The following EPB41L2 variants were observed in gnomAD, a reference collection of about 807,000 sequenced individuals.
EPB41L2 encodes band 4.1-like protein 2.
Under a neutral mutation model 113.0 loss-of-function variants are expected in EPB41L2, and 43 were observed. That is an observed-to-expected ratio of 0.38 (90% confidence interval 0.30 to 0.49). The LOEUF is 0.49. Among genes scored for constraint, EPB41L2 ranks in the 20% least tolerant of loss-of-function variants. EPB41L2 has a pLI of 0.95. For synonymous variants in EPB41L2, 442 were observed against 436.7 expected (o/e 1.01, Z -0.15); for missense variants, 1,147 against 1,223.4 (o/e 0.94, Z 0.93).
chr6:130,900,686 T>C (rs1457593090), intron 7 of EPB41L2, among the ~76,000 whole-genome samples: 1 of 152,124 alleles, frequency 6.6e-6, no homozygotes, highest in Non-Finnish European at 1.5e-5. Context: ...GTGTATGTGT[T>C]AGGGGGATAG....
chr6:131,022,168 C>T (rs747953758), intron 1 of EPB41L2, among the ~76,000 whole-genome samples: 1 of 152,010 alleles, frequency 6.6e-6, no homozygotes. Flanking sequence ...ATAAGGAGTA[C>T]GCAACCTAGA....
chr6:130,906,108 G>A (rs1321549152), intron 5 of EPB41L2, among the ~76,000 whole-genome samples: 1 of 152,176 alleles, frequency 6.6e-6, no homozygotes, highest in African/African-American at 2.4e-5. Context: ...TCGTGTTTGT[G>A]TAAGCATTTC....
intron 1 of EPB41L2, among the ~76,000 whole-genome samples, chr6:130,993,030 A>T (rs1344940454): frequency 6.6e-6 from 1 of 152,202 alleles, no homozygotes. Flanking sequence ...CTGGGCACAA[A>T]TTTATTTCAT....
intron 3 of EPB41L2, among the ~76,000 whole-genome samples, chr6:130,941,254 C>G (rs568118408): frequency 1.9e-4 from 29 of 152,048 alleles, no homozygotes; most frequent in Middle Eastern, 3.4e-3. Flanking sequence ...AAATGAAAAC[C>G]CAGGATTTTT....
At chr6:131,023,679 C>T (rs758765004) in intron 1 of EPB41L2, among the ~76,000 whole-genome samples, 13 of 129,784 alleles carry the variant, frequency 1.0e-4, no homozygotes, top group Admixed American at 1.0e-3. Flanking sequence ...AGTGAGACTT[C>T]GTCTCAAAAA....
chr6:131,032,697 T>G (rs932434877), intron 1 of EPB41L2, among the ~76,000 whole-genome samples: 3 of 152,188 alleles, frequency 2.0e-5, no homozygotes, highest in Non-Finnish European at 4.4e-5. Context: ...AAAAACTGTA[T>G]GAAAGAGGAT....
intron 5 of EPB41L2, among the ~76,000 whole-genome samples, chr6:130,906,504 T>C (rs911483726): frequency 3.3e-5 from 5 of 152,182 alleles, no homozygotes; most frequent in Non-Finnish European, 5.9e-5. Flanking sequence ...AACTTTTAAT[T>C]TGATTACATA....
chr6:131,041,694 G>C (rs1794488199), intron 1 of EPB41L2, among the ~76,000 whole-genome samples: 1 of 152,008 alleles, frequency 6.6e-6, no homozygotes, highest in African/African-American at 2.4e-5. Flanking sequence ...GCAAACAATA[G>C]AGTTTCAACA....
chr6:131,053,365 A>G (rs1242212534), intron 1 of EPB41L2, among the ~76,000 whole-genome samples: 1 of 151,032 alleles, frequency 6.6e-6, no homozygotes, highest in Non-Finnish European at 1.5e-5. Flanking sequence ...CCATCACTAC[A>G]ACAGTTACTA....
rs1366980853 is a variant in EPB41L2, at chr6:130,879,220, G to C, written c.1896+924C>G. ...TATTCCATATTCATGCACAAGCATA[G>C]TAGCTCATCTATGAGCTTCTATAGC... On this transcript the variant is annotated intron_variant, in intron 13 of 19. Coordinates refer to ENST00000337057, the MANE Select transcript of EPB41L2 (RefSeq NM_001431.4). Among the ~76,000 whole-genome samples the C allele has an allele frequency of 3.3e-5, 5 of 152,276 alleles. No homozygotes were observed. The Middle Eastern group carries it at 0.01, about 313-fold the overall frequency.
At chr6:130,924,866 TAGC>T (rs1562499223) in intron 4 of EPB41L2, among the ~76,000 whole-genome samples, 1 of 152,328 alleles carries the variant, frequency 6.6e-6, no homozygotes, top group East Asian at 1.9e-4. Context: ...ACGTAATAAA[TAGC>T]AGTTAATGTC....
intron 19 of EPB41L2, among the ~76,000 whole-genome samples, chr6:130,842,362 G>A (rs1179063424): frequency 6.6e-6 from 1 of 152,054 alleles, no homozygotes; most frequent in African/African-American, 2.4e-5. Flanking sequence ...AAGAAATGTG[G>A]GGGATGATGA....
intron 13 of EPB41L2, 124 bp from the exon 14 acceptor site, chr6:130,878,374 A>G: frequency 9.0e-7 from 1 of 1,106,336 alleles, no homozygotes; most frequent in Non-Finnish European, 1.3e-6. Context: ...ATAGTAAAGC[A>G]AGAAAAATGC....
chr6:131,038,273 A>G (rs955499498), intron 1 of EPB41L2, among the ~76,000 whole-genome samples: 1 of 152,190 alleles, frequency 6.6e-6, no homozygotes, highest in Admixed American at 6.5e-5. Context: ...ATATACTGAT[A>G]TTTCTCATTT....
chr6:130,997,478 G>A (rs998863121), intron 1 of EPB41L2, among the ~76,000 whole-genome samples: 23 of 152,122 alleles, frequency 1.5e-4, no homozygotes, highest in Non-Finnish European at 2.6e-4. Context: ...ACAGAGCTAC[G>A]AAGGGATCAG....
intron 1 of EPB41L2, among the ~76,000 whole-genome samples, chr6:131,057,749 G>T (rs151269931): frequency 2.0e-5 from 3 of 152,284 alleles, no homozygotes; most frequent in East Asian, 1.9e-4. Context: ...CTTTCATGAA[G>T]GTTGATGGTG....
rs5007046 is a variant in EPB41L2 at position 130,974,316 on chromosome 6, G to T, written c.-14-17817C>A. On this transcript the variant is annotated intron_variant, in intron 1 of 19. Coordinates refer to ENST00000337057, the MANE Select transcript of EPB41L2 (RefSeq NM_001431.4). Reference sequence around the variant, plus strand: ...CCCTTACCAGAAATTCTACAACTTAGAGTAACTGTGAGAAATAAGTACCTG... The same window carrying T: ...CCCTTACCAGAAATTCTACAACTTATAGTAACTGTGAGAAATAAGTACCTG... Among the ~76,000 whole-genome samples, 1,269 of 152,268 alleles carry T rather than the reference G, an allele frequency of 8.3e-3. 27 individuals carry two copies. The highest frequency in any genetic ancestry group is 0.029 in the African/African-American group (1,220 of 41,558).
chr6:130,981,497 A>C (rs1168336861), intron 1 of EPB41L2, among the ~76,000 whole-genome samples: 3 of 152,198 alleles, frequency 2.0e-5, no homozygotes, highest in Non-Finnish European at 4.4e-5. Context: ...CTCCATAAGA[A>C]TATGTGAAAG....
rs201690464 is a variant in EPB41L2 at position 131,051,943 on chromosome 6, C to T, written c.-15+11212G>A. 6.4e-3 allele frequency among the ~76,000 whole-genome samples: 919 copies of T among 144,574 alleles called. 12 individuals are homozygous for T. The highest frequency in any genetic ancestry group is 0.022 in the African/African-American group (853 of 39,038). 94.8% of individuals were successfully genotyped at this position (144,574 alleles called of 152,430 possible). Reference sequence around the variant, plus strand: ...CCTGTGCTGTGTTGATTTTTTTTTTCTTTTTTTTTTTGAGACGGAGTCTTA... The same window carrying T: ...CCTGTGCTGTGTTGATTTTTTTTTTTTTTTTTTTTTTGAGACGGAGTCTTA... On this transcript the variant is annotated intron_variant, in intron 1 of 19. Coordinates refer to ENST00000337057, the MANE Select transcript of EPB41L2 (RefSeq NM_001431.4).
Sources: gnomAD v4.1 joint callset for allele counts (sites outside exome capture counted in the v4.1 genomes callset) on GRCh38, gnomAD v4.1.1 for gene constraint, MANE v1.5 for transcripts, NCBI Gene and HGNC (gene_info 2026-07-23, HGNC 2026-07-21) for gene names.